Variants in ZNF492 observed in about 807,000 individuals in gnomAD.
The protein encoded by ZNF492 is zinc finger protein 115 (Y20).
ZNF492 carries 3 observed loss-of-function variants against 6.4 expected under a neutral mutation model. The ratio of observed to expected loss-of-function variants is 0.47; its 90% CI spans 0.21 to 1.22. The LOEUF (loss-of-function observed/expected upper bound fraction) is 1.22. Among genes scored for constraint, ZNF492 ranks in the 50% most tolerant of loss-of-function variants. The probability of loss-of-function intolerance (pLI) is 0.22; values close to 1 mark genes in which losing one functional copy is unlikely to be tolerated. For synonymous variants in ZNF492, 112 were observed against 205.3 expected (o/e 0.55, Z 3.89); for missense variants, 356 against 612.5 (o/e 0.58, Z 4.42).
At chr19:22,642,855 G>A (rs1306250860) in intron 1 of ZNF492, among the ~76,000 whole-genome samples, 1 of 152,110 alleles carries the variant, frequency 6.6e-6, no homozygotes, top group African/African-American at 2.4e-5. Context: ...TGGACACAAA[G>A]GTAGAATTAA....
At chr19:22,660,986 A>G (rs1171118550) in intron 3 of ZNF492, among the ~76,000 whole-genome samples, 2 of 151,224 alleles carry the variant, frequency 1.3e-5, no homozygotes, top group East Asian at 3.9e-4. Context: ...TTTGTTGATA[A>G]TTCACTGGTA....
In ZNF492 at chr19:22,666,188, CTTTTTTTTTT is replaced by C. The variant is rs202104125; in HGVS notation, c.*931_*940del. 1 of 136,362 alleles carries C rather than the reference CTTTTTTTTTT, an allele frequency of 7.3e-6. No homozygotes were observed. Among genetic ancestry groups the C allele is most frequent in the African/African-American group, 2.7e-5 (1 of 36,904 alleles). 8.4% of individuals were successfully genotyped at this position (136,362 alleles called of 1,614,324 possible). A position where few individuals can be genotyped will look rare whatever the true frequency, so the allele number is the denominator to read the frequency against. ...GAAATTAGTTTTTCTTTTTCTTCTT[CTTTTTTTTTT>C]TTTTTTTAGATGGAGTCTTGCTCTA... is the stretch of plus-strand genomic sequence containing the variant. On this transcript the variant is annotated 3_prime_UTR_variant, in exon 4 of 4. Transcript: ENST00000456783.
At chr19:22,635,444 C>T (rs1293955822) in intron 1 of ZNF492, among the ~76,000 whole-genome samples, 1 of 152,116 alleles carries the variant, frequency 6.6e-6, no homozygotes, top group Non-Finnish European at 1.5e-5. Context: ...ATTTTTCATA[C>T]TGTATTTTAA....
At chr19:22,656,641 A>G (rs1272365908) in intron 3 of ZNF492, among the ~76,000 whole-genome samples, 4 of 152,060 alleles carry the variant, frequency 2.6e-5, no homozygotes, top group Non-Finnish European at 4.4e-5. Context: ...CCTCTCCCAG[A>G]CTGTGGCTGG....
chr19:22,662,037 A>G (rs1448868738), intron 3 of ZNF492, among the ~76,000 whole-genome samples: 2 of 152,090 alleles, frequency 1.3e-5, no homozygotes, highest in Admixed American at 1.3e-4. Context: ...GTGCAGTTAT[A>G]TTACATAGGT....
At chr19:22,642,382 G>GTTTT (rs1971836119) in intron 1 of ZNF492, among the ~76,000 whole-genome samples, 1 of 116,716 alleles carries the variant, frequency 8.6e-6, no homozygotes, top group African/African-American at 3.3e-5. Flanking sequence ...TAAACCTTTT[G>GTTTT]TCTTTTTTTT....
chr19:22,640,807 A>G (rs1017256437), intron 1 of ZNF492, among the ~76,000 whole-genome samples: 6 of 152,046 alleles, frequency 3.9e-5, no homozygotes, highest in Admixed American at 3.9e-4. Flanking sequence ...CTTGTTATTT[A>G]TCTATTAAGG....
chr19:22,660,979 G>T (rs1353882173), intron 3 of ZNF492, among the ~76,000 whole-genome samples: 3 of 144,694 alleles, frequency 2.1e-5, no homozygotes, highest in Admixed American at 7.0e-5. Flanking sequence ...CAGAATTTTT[G>T]TTGATAATTC....
rs762376507 is a variant in ZNF492 at position 22,665,153 on chromosome 19, A to T, written c.1484A>T (p.His495Leu). 37 of 1,611,528 alleles carry T rather than the reference A, an allele frequency of 2.3e-5. No homozygotes were observed. In the Middle Eastern group the frequency reaches 1.3e-3, roughly 58 times the overall value. The change falls in exon 4 of 4, where the codon CAT becomes CTT. Residue 495 changes from histidine to leucine, a missense_variant. Physicochemically the swap from His to Leu is moderately conservative, Grantham distance 99 (BLOSUM62 -3). Around this residue, in one of 7 missense-constraint regions of ZNF492, gnomAD observed 81 missense variants for 115.4 expected, o/e 0.70. Transcript: ENST00000456783. ...AFNNSSILNR[H>L]KMIHTGEKLY... ...AACAACTCCTCTATTCTTAACAGAC[A>T]TAAGATGATTCATACTGGAGAGAAA...
At position 22,665,026 on chromosome 19, in the gene ZNF492, G is replaced by T. The variant is rs561488477; in HGVS notation, c.1357G>T (p.Glu453Ter). 450 of 1,583,294 alleles carry T rather than the reference G, an allele frequency of 2.8e-4. 28 individuals are homozygous for T. In the South Asian group the frequency reaches 4.8e-3, roughly 17 times the overall value. Residue 453 changes from glutamate (E) to a stop codon, truncating the protein, a stop_gained, in exon 4 of 4, where the codon GAA (glutamate) becomes TAA (stop). Coordinates refer to ENST00000456783, the MANE Select transcript of ZNF492 (RefSeq NM_020855.3). LOFTEE classifies it low-confidence loss of function (END_TRUNC). ...HTGEKPYKYE[E>*]CGKAFNQSSH... is the part of the protein sequence containing the mutation. ...TGGAGAGAAGCCCTACAAATATGAA[G>T]AATGTGGCAAAGCTTTTAACCAGTC...
At chr19:22,634,539 G>A (rs1322568566) in intron 1 of ZNF492, 65 bp downstream of exon 1, 3 of 1,332,838 alleles carry the variant, frequency 2.3e-6, no homozygotes, top group South Asian at 2.3e-5. Context: ...GTGGCAAGAG[G>A]CTGTGGCGGG....
intron 3 of ZNF492, among the ~76,000 whole-genome samples, chr19:22,656,448 G>A (rs1971997530): frequency 6.6e-6 from 1 of 152,076 alleles, no homozygotes; most frequent in Non-Finnish European, 1.5e-5. Context: ...CTGAAAACCA[G>A]AGAGGATTTC....
chr19:22,652,268 C>T (rs1288407439), intron 1 of ZNF492, among the ~76,000 whole-genome samples: 5 of 117,382 alleles, frequency 4.3e-5, no homozygotes, highest in African/African-American at 1.4e-4. Flanking sequence ...TCGCCCAGGC[C>T]GGACTGCGGA....
chr19:22,659,540 G>A (rs998183862), intron 3 of ZNF492, among the ~76,000 whole-genome samples: 7 of 146,548 alleles, frequency 4.8e-5, no homozygotes, highest in African/African-American at 1.8e-4. Flanking sequence ...TGCTTTATAT[G>A]TTTGGAGCCC....
intron 1 of ZNF492, among the ~76,000 whole-genome samples, chr19:22,639,880 A>G (rs754125653): frequency 2.0e-5 from 3 of 151,060 alleles, no homozygotes; most frequent in African/African-American, 4.9e-5. Context: ...CAGGACTTCC[A>G]ATTTTATGTT....
At position 22,660,913 on chromosome 19, in the gene ZNF492, CT is replaced by C. The variant is rs765100457; in HGVS notation, c.131-2872del. On this transcript the variant is annotated intron_variant, in intron 3 of 3. Coordinates refer to ENST00000456783, the MANE Select transcript of ZNF492 (RefSeq NM_020855.3). ...GATGGTATTATCCTCAACTTGATAG[CT>C]TTTTTTTTTTTTTTCCCCTCAGGAC... Among the ~76,000 whole-genome samples, 920 of 132,196 alleles carry C rather than the reference CT, an allele frequency of 7.0e-3. 8 individuals are homozygous for C. Among genetic ancestry groups the C allele is most frequent in the Middle Eastern group, 8.1e-3 (2 of 248 alleles). The allele number at this position is 132,196 out of a possible 152,430, so 86.7% of individuals were successfully genotyped here.
At position 22,640,649 on chromosome 19, in the gene ZNF492, G is replaced by C. The variant is rs555770324; in HGVS notation, c.-94+6175G>C. Among the ~76,000 whole-genome samples, 8 of 152,278 alleles carry C rather than the reference G, an allele frequency of 5.3e-5. No individual in the cohort carries two copies. In the South Asian group the frequency reaches 1.5e-3, roughly 28 times the overall value. On this transcript the variant is annotated intron_variant, in intron 1 of 3. Transcript: ENST00000456783. ...TTATCTCTGTCAGGTTTTGGTATCA[G>C]AATGGTGCTGTTTTTAGTTTTTTGG... is the stretch of plus-strand genomic sequence containing the variant.
At position 22,653,972 on chromosome 19, in the gene ZNF492, A is replaced by G. The variant is rs761355021; in HGVS notation, c.87A>G (p.Glu29=). Residue 29 remains glutamate, a synonymous_variant, in exon 3 of 4, where the codon GAA becomes GAG. Transcript: ENST00000456783. Reference sequence around the variant, plus strand: ...TCACCTGTCTGGAGCAAGGAAAAGAACCTTGGAATGTGAAGAGACATGAGA... The same window carrying G: ...TCACCTGTCTGGAGCAAGGAAAAGAGCCTTGGAATGTGAAGAGACATGAGA... ...DLITCLEQGK[E]PWNVKRHEMV... is the part of the protein sequence containing the mutation. 31 of 1,601,764 alleles carry G rather than the reference A, an allele frequency of 1.9e-5. No homozygotes were observed. The highest frequency in any genetic ancestry group is 2.5e-5 in the Non-Finnish European group (30 of 1,177,222).
Position 22,634,337 on chromosome 19 carries a change from G to A in ZNF492, c.-231G>A, listed in dbSNP as rs1311237259. ...GGATGTGGCGGGGTCTTTGTCTCTC[G>A]CTGCAGTCGGAGTATGGTCTAGTGT... is the stretch of plus-strand genomic sequence containing the variant. On this transcript the variant is annotated 5_prime_UTR_variant, in exon 1 of 4. Transcript: ENST00000456783. 2 of 970,712 alleles carry A rather than the reference G, an allele frequency of 2.1e-6. No individual in the cohort carries two copies. The highest frequency in any genetic ancestry group is 2.8e-5 in the South Asian group (2 of 71,174). The allele number at this position is 970,712 out of a possible 1,614,324, so 60.1% of individuals were successfully genotyped here. A position where few individuals can be genotyped will look rare whatever the true frequency, so the allele number is the denominator to read the frequency against.
Sources: gnomAD v4.1 joint callset for allele counts (sites outside exome capture counted in the v4.1 genomes callset) on GRCh38, gnomAD v4.1.1 for gene constraint, gnomAD v4.1.1 regional missense constraint, MANE v1.5 for transcripts, NCBI Gene and HGNC (gene_info 2026-07-23, HGNC 2026-07-21) for gene names.